Variants in TBXAS1 observed in about 807,000 individuals in gnomAD.
TBXAS1 encodes thromboxane-A synthase.
In TBXAS1, 48 loss-of-function variants were observed where a neutral mutation model predicts 60.7. The observed-to-expected ratio is 0.79, with a 90% CI of 0.63 to 1.01. The LOEUF (loss-of-function observed/expected upper bound fraction) is 1.01, where lower values mean the gene tolerates loss of function less well. Ranked by LOEUF, TBXAS1 falls within the 50% of genes least tolerant of loss-of-function variation. The pLI, the probability that TBXAS1 is intolerant of heterozygous loss-of-function variation, is 0.00. For synonymous variants in TBXAS1, 287 were observed against 269.7 expected (o/e 1.06, Z -0.63); for missense variants, 685 against 686.3 (o/e 1.00, Z 0.02).
chr7:139,873,143 TAC>T (rs1444837920), intron 2 of TBXAS1, among the ~76,000 whole-genome samples: 1 of 152,034 alleles, frequency 6.6e-6, no homozygotes, highest in Non-Finnish European at 1.5e-5. Context: ...GAGACGAGGG[TAC>T]ACACACCAGG....
rs767530821 is a variant in TBXAS1, at chr7:139,955,454, C to G, written c.540-5C>G. 2.2e-5 allele frequency: 36 copies of G among 1,614,052 alleles called. No individual in the cohort carries two copies. The highest frequency in any genetic ancestry group is 3.0e-5 in the Non-Finnish European group (35 of 1,180,026). ...TTCAGATCTCTGTGCTCCCATCTCC[C>G]GTAGGTGCTACTGCAATTACACCAC... On this transcript the variant is annotated splice_region_variant and splice_polypyrimidine_tract_variant and intron_variant, in intron 6 of 12. Transcript: ENST00000448866.
At chr7:139,923,602 T>G (rs1806658757) in intron 4 of TBXAS1, among the ~76,000 whole-genome samples, 1 of 152,082 alleles carries the variant, frequency 6.6e-6, no homozygotes, top group Non-Finnish European at 1.5e-5. Flanking sequence ...TCAAGCATTT[T>G]TCCTTTCTTT....
chr7:139,784,202 C>T (rs753494525), intron 3 of TBXAS1, among the ~76,000 whole-genome samples: 12 of 125,212 alleles, frequency 9.6e-5, no homozygotes, highest in Non-Finnish European at 1.3e-4. Context: ...TTCCTTCTTT[C>T]GTTTGTTCTT....
At chr7:139,825,893 T>A (rs1003555293), upstream of TBXAS1, among the ~76,000 whole-genome samples, 2 of 152,238 alleles carry the variant, frequency 1.3e-5, no homozygotes, top group African/African-American at 4.8e-5. Flanking sequence ...GCTCTCTGCA[T>A]CGTGCTCTTG....
intron 8 of TBXAS1, among the ~76,000 whole-genome samples, chr7:139,960,945 C>T (rs578048337): frequency 6.6e-6 from 1 of 152,208 alleles, no homozygotes; most frequent in Non-Finnish European, 1.5e-5. Flanking sequence ...CTTGGTTGTC[C>T]TTCATGACAT....
chr7:139,972,811 C>G (rs1811304500), intron 9 of TBXAS1, among the ~76,000 whole-genome samples: 1 of 152,186 alleles, frequency 6.6e-6, no homozygotes, highest in African/African-American at 2.4e-5. Flanking sequence ...ACTAGGAAGC[C>G]TCGTCCGCTG....
At chr7:139,854,442 C>T (rs989920101) in intron 1 of TBXAS1, among the ~76,000 whole-genome samples, 4 of 152,136 alleles carry the variant, frequency 2.6e-5, no homozygotes, top group Non-Finnish European at 5.9e-5. Context: ...GAATTCTGAG[C>T]AGGGCTGCAA....
At chr7:139,826,843 T>C (rs1266023672), upstream of TBXAS1, among the ~76,000 whole-genome samples, 1 of 152,220 alleles carries the variant, frequency 6.6e-6, no homozygotes, top group African/African-American at 2.4e-5. Context: ...TCCACTCAGA[T>C]GTCTCCAGGG....
intron 9 of TBXAS1, among the ~76,000 whole-genome samples, chr7:139,993,895 T>C (rs1293757882): frequency 7.2e-6 from 1 of 138,338 alleles, no homozygotes; most frequent in Non-Finnish European, 1.6e-5. Context: ...TTTCTTTCTT[T>C]TTTTTTTTTT....
At chr7:139,929,415 G>T (rs1807137932) in intron 4 of TBXAS1, among the ~76,000 whole-genome samples, 4 of 152,262 alleles carry the variant, frequency 2.6e-5, no homozygotes, top group Middle Eastern at 3.4e-3. Flanking sequence ...TTTAGTGATG[G>T]AGTGGGTGGT....
chr7:139,917,024 G>C (rs528890463), intron 4 of TBXAS1, among the ~76,000 whole-genome samples: 5 of 152,344 alleles, frequency 3.3e-5, no homozygotes, highest in African/African-American at 1.2e-4. Context: ...GTTCAAACAT[G>C]TGCATCAAGA....
intron 4 of TBXAS1, among the ~76,000 whole-genome samples, chr7:139,933,541 C>T (rs114927625): frequency 0.012 from 1,769 of 152,204 alleles, 41 homozygotes; most frequent in African/African-American, 0.04. Flanking sequence ...GTGGCCATGG[C>T]GCTCCCAAAG....
At chr7:139,943,814 A>G (rs1808477286) in intron 5 of TBXAS1, among the ~76,000 whole-genome samples, 1 of 152,146 alleles carries the variant, frequency 6.6e-6, no homozygotes, top group Admixed American at 6.5e-5. Flanking sequence ...CATTAGTGGA[A>G]ATTAATTTTT....
intron 1 of TBXAS1, among the ~76,000 whole-genome samples, chr7:139,859,496 G>A (rs564181821): frequency 1.3e-3 from 191 of 152,188 alleles, no homozygotes; most frequent in African/African-American, 4.3e-3. Flanking sequence ...ATAAGCCACC[G>A]TGCCTGGCCT....
chr7:139,979,867 T>C (rs371401808), intron 9 of TBXAS1, among the ~76,000 whole-genome samples: 24 of 151,962 alleles, frequency 1.6e-4, no homozygotes, highest in African/African-American at 5.6e-4. Flanking sequence ...TACATTTTCC[T>C]TGTCTGCCTT....
At chr7:139,892,549 T>A (rs1174578811) in intron 3 of TBXAS1, among the ~76,000 whole-genome samples, 1 of 152,082 alleles carries the variant, frequency 6.6e-6, no homozygotes, top group Non-Finnish European at 1.5e-5. Context: ...GCTGAGATCA[T>A]GCCACTGCAC....
At chr7:139,805,686 CTTTCTTTCTTTCTTTCTTTCTTTCTT>C (rs759197866) in intron 4 of TBXAS1, among the ~76,000 whole-genome samples, 2,584 of 33,798 alleles carry the variant, frequency 0.076, 42 homozygotes, top group Non-Finnish European at 0.081. Flanking sequence ...TTCTTTCTTT[CTTTCTTTCTTTCTTTCTTTCTTTCTT>C]TCTCTCTCTC....
upstream of TBXAS1, among the ~76,000 whole-genome samples, chr7:139,826,022 TA>T (rs1029369563): frequency 1.2e-4 from 19 of 152,206 alleles, no homozygotes; most frequent in Non-Finnish European, 2.2e-4. Context: ...TCCTTTAAGA[TA>T]TTTTTTTTCT....
intron 7 of TBXAS1, among the ~76,000 whole-genome samples, chr7:139,957,159 G>T (rs1463153510): frequency 6.6e-6 from 1 of 152,254 alleles, no homozygotes; most frequent in Non-Finnish European, 1.5e-5. Flanking sequence ...TGCAGTGGCA[G>T]CTCTTGGGAG....
Sources: gnomAD v4.1 joint callset for allele counts (sites outside exome capture counted in the v4.1 genomes callset) on GRCh38, gnomAD v4.1.1 for gene constraint, MANE v1.5 for transcripts, NCBI Gene and HGNC (gene_info 2026-07-23, HGNC 2026-07-21) for gene names.